The following IL1RAPL1 variants were observed in gnomAD, a reference collection of about 807,000 sequenced individuals.
IL1RAPL1 encodes the protein interleukin 1 receptor accessory protein like 1.
A neutral mutation model predicts 48.4 loss-of-function variants in IL1RAPL1; 3 were observed. The ratio of observed to expected loss-of-function variants is 0.06; its 90% CI spans 0.03 to 0.16. The LOEUF is 0.16. Ranked by LOEUF, IL1RAPL1 falls within the 10% of genes least tolerant of loss-of-function variation. The pLI is 1.00. For synonymous variants in IL1RAPL1, 185 were observed against 187.7 expected (o/e 0.99, Z 0.12); for missense variants, 349 against 530.6 (o/e 0.66, Z 3.36).
intron 2 of IL1RAPL1, among the ~76,000 whole-genome samples, chrX:29,252,139 T>A (rs1314809969): frequency 9.3e-6 from 1 of 108,060 alleles, no homozygotes; most frequent in Non-Finnish European, 1.9e-5. Context: ...GGGGGAGGGA[T>A]AGCTTTAGGA....
chrX:29,729,024 G>A (rs1001393085), intron 6 of IL1RAPL1, among the ~76,000 whole-genome samples: 2 of 111,968 alleles, frequency 1.8e-5, no homozygotes, highest in Admixed American at 9.5e-5. Context: ...AGTGGAACCT[G>A]TCAGTCTATT....
At chrX:28,676,049 G>T (rs1934993256) in intron 1 of IL1RAPL1, among the ~76,000 whole-genome samples, 1 of 111,653 alleles carries the variant, frequency 9.0e-6, no homozygotes, top group Non-Finnish European at 1.9e-5. Context: ...TTTGGTAGAA[G>T]AGATCAGTGA....
chrX:29,797,983 A>G (rs1929785615), intron 6 of IL1RAPL1, among the ~76,000 whole-genome samples: 1 of 112,248 alleles, frequency 8.9e-6, no homozygotes, highest in Non-Finnish European at 1.9e-5. Context: ...CAGGAGCATC[A>G]ACACAACTAA....
intron 6 of IL1RAPL1, among the ~76,000 whole-genome samples, chrX:29,672,483 T>C (rs1370334078): frequency 8.9e-6 from 1 of 111,743 alleles, no homozygotes; most frequent in Non-Finnish European, 1.9e-5. Context: ...TACAAGTGGA[T>C]GCTCTTTGAG....
At chrX:29,187,653 C>T (rs1030446802) in intron 2 of IL1RAPL1, among the ~76,000 whole-genome samples, 6 of 85,343 alleles carry the variant, frequency 7.0e-5, no homozygotes, top group Admixed American at 5.2e-4. Context: ...ACCAAAGTAC[C>T]TCTACTTGCA....
chrX:29,170,150 A>G (rs1929880028), intron 2 of IL1RAPL1, among the ~76,000 whole-genome samples: 1 of 111,832 alleles, frequency 8.9e-6, no homozygotes, highest in African/African-American at 3.2e-5. Flanking sequence ...CTTTTACATT[A>G]TCTATATTGT....
intron 6 of IL1RAPL1, among the ~76,000 whole-genome samples, chrX:29,797,357 A>G (rs1929767283): frequency 8.9e-6 from 1 of 111,957 alleles, no homozygotes; most frequent in African/African-American, 3.2e-5. Context: ...TATCTTGCTG[A>G]CTTGGCAGAA....
intron 6 of IL1RAPL1, among the ~76,000 whole-genome samples, chrX:29,853,455 C>A (rs956053922): frequency 3.6e-5 from 4 of 111,369 alleles, no homozygotes; most frequent in African/African-American, 1.3e-4. Flanking sequence ...AAGACCCTGT[C>A]TCATAAAAAA....
At chrX:29,753,638 G>A (rs1928542535) in intron 6 of IL1RAPL1, among the ~76,000 whole-genome samples, 1 of 111,202 alleles carries the variant, frequency 9.0e-6, no homozygotes, top group African/African-American at 3.3e-5. Flanking sequence ...TTAAAAACTT[G>A]TCAAGCTATC....
chrX:29,788,119 GTA>G (rs1428975933), intron 6 of IL1RAPL1, among the ~76,000 whole-genome samples: 19 of 104,662 alleles, frequency 1.8e-4, no homozygotes, highest in Admixed American at 9.2e-4. Flanking sequence ...GTGTGTGTGT[GTA>G]TGTATGTGAA....
intron 3 of IL1RAPL1, among the ~76,000 whole-genome samples, chrX:29,331,111 G>A (rs781131719): frequency 1.8e-5 from 2 of 111,492 alleles, no homozygotes; most frequent in East Asian, 5.7e-4. Flanking sequence ...AGGTTGCAGT[G>A]AGCTGAGATT....
chrX:29,131,181 A>T (rs1929013738), intron 2 of IL1RAPL1, among the ~76,000 whole-genome samples: 1 of 111,437 alleles, frequency 9.0e-6, no homozygotes, highest in African/African-American at 3.3e-5. Flanking sequence ...TAACAGAAAA[A>T]CATGTGCAGT....
intron 5 of IL1RAPL1, among the ~76,000 whole-genome samples, chrX:29,556,891 T>C (rs1922018942): frequency 8.9e-6 from 1 of 111,843 alleles, no homozygotes. Flanking sequence ...TTTCAATTAA[T>C]ACATATGGAT....
intron 2 of IL1RAPL1, among the ~76,000 whole-genome samples, chrX:28,953,875 A>G (rs1298452617): frequency 9.0e-6 from 1 of 111,567 alleles, no homozygotes. Context: ...ACACATCTAT[A>G]GGTTAAATAA....
At chrX:29,070,144 A>G (rs1927535153) in intron 2 of IL1RAPL1, among the ~76,000 whole-genome samples, 1 of 112,120 alleles carries the variant, frequency 8.9e-6, no homozygotes, top group South Asian at 3.7e-4. Flanking sequence ...ACAAAACACA[A>G]TTCTGTTCTT....
At chrX:28,784,512 T>A (rs1936455218) in intron 1 of IL1RAPL1, among the ~76,000 whole-genome samples, 1 of 111,540 alleles carries the variant, frequency 9.0e-6, no homozygotes, top group Non-Finnish European at 1.9e-5. Flanking sequence ...TTAAGGCTTA[T>A]GAAACTTTGA....
At chrX:29,486,431 C>T (rs990211573) in intron 5 of IL1RAPL1, among the ~76,000 whole-genome samples, 1 of 109,731 alleles carries the variant, frequency 9.1e-6, no homozygotes. Context: ...AATCTAAACA[C>T]CTGAGTTACC....
intron 6 of IL1RAPL1, among the ~76,000 whole-genome samples, chrX:29,719,743 CAA>C (rs372308075): frequency 2.3e-3 from 50 of 21,880 alleles, no homozygotes; most frequent in Middle Eastern, 0.026. Context: ...GAAAGATGAG[CAA>C]AAAAAAAAAA....
chrX:29,536,893 T>G (rs952467885), intron 5 of IL1RAPL1, among the ~76,000 whole-genome samples: 45 of 110,406 alleles, frequency 4.1e-4, no homozygotes, highest in African/African-American at 1.5e-3. Flanking sequence ...ATATTGCTTT[T>G]TATTGCTTCA....
Sources: allele counts gnomAD v4.1 joint callset (sites outside exome capture counted in the v4.1 genomes callset), GRCh38; gene constraint gnomAD v4.1.1; transcripts MANE v1.5; gene names NCBI Gene and HGNC (gene_info 2026-07-23, HGNC 2026-07-21).